The following RIN2 variants were observed in gnomAD, a reference collection of about 807,000 sequenced individuals.
RIN2 encodes the protein Ras and Rab interactor 2.
Under a neutral mutation model 78.0 loss-of-function variants are expected in RIN2, and 36 were observed. That is an observed-to-expected ratio of 0.46 (90% confidence interval 0.35 to 0.61). The LOEUF (loss-of-function observed/expected upper bound fraction) is 0.61. RIN2 is among the 20% of genes least tolerant of loss of function. RIN2 has a pLI of 0.00. For synonymous variants in RIN2, 466 were observed against 466.8 expected, an observed-to-expected ratio of 1.00 and a Z score of 0.02; for missense variants, 1,087 against 1,159.7, an observed-to-expected ratio of 0.94 and a Z score of 0.91.
chr20:19,925,092 T>C (rs564010443), intron 3 of RIN2, among the ~76,000 whole-genome samples: 1 of 93,408 alleles, frequency 1.1e-5, no homozygotes, highest in Non-Finnish European at 2.0e-5. Context: ...TTGGGTAAAT[T>C]TGTGGAAAAA....
chr20:19,794,910 T>A (rs1329068604), intron 1 of RIN2, among the ~76,000 whole-genome samples: 1 of 152,196 alleles, frequency 6.6e-6, no homozygotes, highest in Non-Finnish European at 1.5e-5. Context: ...AAAAATTAAA[T>A]TAAAATTTAA....
At chr20:19,909,480 T>G (rs1158565339) in intron 3 of RIN2, among the ~76,000 whole-genome samples, 1 of 152,240 alleles carries the variant, frequency 6.6e-6, no homozygotes, top group Non-Finnish European at 1.5e-5. Flanking sequence ...AACAGCCAAG[T>G]GCTGGGCAAG....
At chr20:19,814,597 A>AATTTTAT (rs540985806) in intron 2 of RIN2, among the ~76,000 whole-genome samples, 66 of 152,236 alleles carry the variant, frequency 4.3e-4, no homozygotes, top group South Asian at 3.1e-3. Flanking sequence ...GGTCTATAGT[A>AATTTTAT]ATTTTATATT....
intron 1 of RIN2, among the ~76,000 whole-genome samples, chr20:19,793,733 G>A (rs569995544): frequency 6.6e-6 from 1 of 152,308 alleles, no homozygotes; most frequent in South Asian, 2.1e-4. Context: ...AGGTTATTAG[G>A]ATTACAGAAC....
chr20:19,841,054 G>A (rs906078041), intron 2 of RIN2, among the ~76,000 whole-genome samples: 6 of 152,006 alleles, frequency 3.9e-5, no homozygotes, highest in South Asian at 4.2e-4. Context: ...TCAATCCCTC[G>A]TTAACTACCC....
At chr20:19,785,293 C>A (rs1158839355) in intron 1 of RIN2, among the ~76,000 whole-genome samples, 2 of 150,520 alleles carry the variant, frequency 1.3e-5, no homozygotes, top group African/African-American at 2.5e-5. Flanking sequence ...CACACACACA[C>A]ACACACACCA....
chr20:19,836,287 G>T (rs2036417193), intron 2 of RIN2, among the ~76,000 whole-genome samples: 1 of 152,144 alleles, frequency 6.6e-6, no homozygotes, highest in Non-Finnish European at 1.5e-5. Context: ...GTAAATTCTT[G>T]TTTCAATTAA....
At chr20:19,865,224 G>T (rs1259013076) in intron 2 of RIN2, among the ~76,000 whole-genome samples, 1 of 152,160 alleles carries the variant, frequency 6.6e-6, no homozygotes, top group African/African-American at 2.4e-5. Flanking sequence ...TTGTGAGATG[G>T]CATATTTTGG....
chr20:19,835,176 A>G (rs1315971459), intron 2 of RIN2, among the ~76,000 whole-genome samples: 1 of 149,792 alleles, frequency 6.7e-6, no homozygotes, highest in East Asian at 2.0e-4. Flanking sequence ...GGGAAGAAGG[A>G]AGGGAGGGAT....
chr20:19,783,306 C>A (rs1568747692), intron 1 of RIN2, among the ~76,000 whole-genome samples: 1 of 152,210 alleles, frequency 6.6e-6, no homozygotes, highest in Non-Finnish European at 1.5e-5. Context: ...GTGCACAGGC[C>A]TTTGTCATGG....
At chr20:19,960,487 G>C (rs2041705478) in intron 5 of RIN2, among the ~76,000 whole-genome samples, 1 of 152,174 alleles carries the variant, frequency 6.6e-6, no homozygotes, top group Admixed American at 6.5e-5. Context: ...TTCTGTCAGA[G>C]GGAAAGCAGG....
rs574399881 is a variant in RIN2 at position 19,895,368 on chromosome 20, C to T, written c.57+5710C>T. On this transcript the variant is annotated intron_variant, in intron 3 of 12. Coordinates refer to ENST00000255006, the MANE Select transcript of RIN2 (RefSeq NM_018993.4). ...GAACCAGGGTGAATTGTCCGGTCGA[C>T]AGTTCTAATTTCTTACCGGCATACC... 2.0e-5 allele frequency among the ~76,000 whole-genome samples: 3 copies of T among 152,246 alleles called. No individual in the cohort carries two copies. The East Asian group carries it at 5.8e-4, about 29-fold the overall frequency.
intron 2 of RIN2, among the ~76,000 whole-genome samples, chr20:19,801,959 T>C (rs1184204798): frequency 1.3e-5 from 2 of 152,178 alleles, no homozygotes; most frequent in Non-Finnish European, 2.9e-5. Context: ...CATAAATAAA[T>C]AACTTCAATA....
rs1402878387 is a variant in RIN2 at position 19,927,475 on chromosome 20, C to T, written c.58-7624C>T. Among the ~76,000 whole-genome samples the T allele has an allele frequency of 2.0e-5, 3 of 151,268 alleles. No homozygotes were observed. The South Asian group carries it at 6.3e-4, about 32-fold the overall frequency. ...TGTTGCCCAGGCTAGAGTGCAGTGGCGTGATCTTGGCTCACTGCAACCTCT... is the reference window on the plus strand; with the variant it reads ...TGTTGCCCAGGCTAGAGTGCAGTGGTGTGATCTTGGCTCACTGCAACCTCT... On this transcript the variant is annotated intron_variant, in intron 3 of 12. Coordinates refer to ENST00000255006, the MANE Select transcript of RIN2 (RefSeq NM_018993.4).
chr20:19,965,838 C>G (rs1319805724), intron 7 of RIN2, among the ~76,000 whole-genome samples: 1 of 152,160 alleles, frequency 6.6e-6, no homozygotes, highest in Non-Finnish European at 1.5e-5. Flanking sequence ...TCTTGAACTC[C>G]TAACCTCAGA....
chr20:19,935,048 A>T, intron 3 of RIN2, 51 bp from the exon 4 acceptor site: 1 of 1,404,860 alleles, frequency 7.1e-7, no homozygotes, highest in East Asian at 2.5e-5. Flanking sequence ...CGCTGTGGGC[A>T]TGCCACGCCT....
At chr20:19,992,757 C>A (rs1398839668) in intron 11 of RIN2, among the ~76,000 whole-genome samples, 1 of 152,114 alleles carries the variant, frequency 6.6e-6, no homozygotes, top group African/African-American at 2.4e-5. Flanking sequence ...GAAATGGTTT[C>A]TTTGGCTCCA....
intron 3 of RIN2, among the ~76,000 whole-genome samples, chr20:19,925,997 G>C (rs2040207824): frequency 6.6e-6 from 1 of 152,182 alleles, no homozygotes; most frequent in African/African-American, 2.4e-5. Context: ...ATATCCCTAT[G>C]GTGGAAAACC....
At chr20:19,904,264 A>G (rs1411264111) in intron 3 of RIN2, among the ~76,000 whole-genome samples, 5 of 147,374 alleles carry the variant, frequency 3.4e-5, no homozygotes, top group Admixed American at 1.4e-4. Flanking sequence ...TATATATAAA[A>G]TATATATATA....
Sources: gnomAD v4.1 joint callset for allele counts (sites outside exome capture counted in the v4.1 genomes callset) on GRCh38, gnomAD v4.1.1 for gene constraint, MANE v1.5 for transcripts, NCBI Gene and HGNC (gene_info 2026-07-23, HGNC 2026-07-21) for gene names.